ROBO1: variants seen among roughly 807,000 people sequenced by gnomAD.
The protein encoded by ROBO1 is roundabout guidance receptor 1.
Under a neutral mutation model 195.9 loss-of-function variants are expected in ROBO1, and 149 were observed. The observed-to-expected ratio is 0.76, with a 90% CI of 0.67 to 0.87. ROBO1 has a LOEUF of 0.87. Ranked by LOEUF, ROBO1 falls within the 40% of genes least tolerant of loss-of-function variation. The probability of loss-of-function intolerance (pLI) is 0.00; values close to 1 mark genes in which losing one functional copy is unlikely to be tolerated. For missense variants in ROBO1, 1,933 were observed against 2,068.3 expected (o/e 0.93, Z 1.27); for synonymous variants, 816 against 733.2 (o/e 1.11, Z -1.82).
chr3:79,701,469 G>A (rs1163994000), intron 1 of ROBO1, among the ~76,000 whole-genome samples: 2 of 151,444 alleles, frequency 1.3e-5, no homozygotes, highest in Non-Finnish European at 3.0e-5. Flanking sequence ...AGCTAAAACG[G>A]GCCTGAGTTC....
Position 78,991,181 on chromosome 3 carries a change from C to T in ROBO1, c.173-52254G>A, listed in dbSNP as rs57253384. Reference sequence around the variant, plus strand: ...CTGAAAACCCACTGAAATAAATGTGCAAAGGTACTAAAGGAAAGTCCTGAG... The same window carrying T: ...CTGAAAACCCACTGAAATAAATGTGTAAAGGTACTAAAGGAAAGTCCTGAG... On this transcript the variant is annotated intron_variant, in intron 3 of 30. Coordinates refer to ENST00000464233, the MANE Select transcript of ROBO1 (RefSeq NM_002941.4). Among the ~76,000 whole-genome samples, 1,084 of 152,174 alleles carry T rather than the reference C, an allele frequency of 7.1e-3. 12 individuals are homozygous for T. The highest frequency in any genetic ancestry group is 0.024 in the African/African-American group (1,016 of 41,514).
intron 3 of ROBO1, among the ~76,000 whole-genome samples, chr3:78,999,721 T>G (rs1224182133): frequency 6.6e-6 from 1 of 151,444 alleles, no homozygotes; most frequent in Non-Finnish European, 1.5e-5. Flanking sequence ...AAAGAGAAAA[T>G]CTTCATATTC....
intron 2 of ROBO1, among the ~76,000 whole-genome samples, chr3:79,262,218 G>A (rs1294488483): frequency 6.6e-6 from 1 of 152,026 alleles, no homozygotes; most frequent in Non-Finnish European, 1.5e-5. Context: ...TCCTCTGAGG[G>A]ATAGCTCTTA....
At chr3:78,735,033 T>C (rs577970866) in intron 5 of ROBO1, among the ~76,000 whole-genome samples, 2 of 152,194 alleles carry the variant, frequency 1.3e-5, no homozygotes, top group African/African-American at 2.4e-5. Flanking sequence ...ATCTTACACA[T>C]TGAGACTTAT....
At chr3:79,660,301 A>C (rs1946292275) in intron 1 of ROBO1, among the ~76,000 whole-genome samples, 2 of 151,940 alleles carry the variant, frequency 1.3e-5, no homozygotes, top group African/African-American at 4.8e-5. Context: ...CTCAAAGGCT[A>C]TACATTAGTG....
intron 23 of ROBO1, among the ~76,000 whole-genome samples, chr3:78,634,828 T>TA (rs1486491187): frequency 6.6e-6 from 1 of 152,178 alleles, no homozygotes; most frequent in East Asian, 1.9e-4. Context: ...ATTCTCGAGT[T>TA]AAAACATAAT....
chr3:79,097,301 C>A (rs2079588058), intron 3 of ROBO1, among the ~76,000 whole-genome samples: 1 of 151,822 alleles, frequency 6.6e-6, no homozygotes, highest in South Asian at 2.1e-4. Flanking sequence ...AAATTATAGG[C>A]ATTATCTGAG....
At chr3:78,825,658 A>C in intron 4 of ROBO1, among the ~76,000 whole-genome samples, 1 of 152,164 alleles carries the variant, frequency 6.6e-6, no homozygotes, top group Admixed American at 6.5e-5. Flanking sequence ...TTGGCATAAG[A>C]CGTTTAACAG....
In ROBO1 at chr3:78,714,463, A is replaced by G. The variant is rs200951485; in HGVS notation, c.979T>C (p.Ser327Pro). 2.7e-4 allele frequency: 432 copies of G among 1,613,156 alleles called. 1 individual carries two copies. Among genetic ancestry groups the G allele is most frequent in the Non-Finnish European group, 3.4e-4 (401 of 1,179,494 alleles). The part of the protein sequence containing the change: ...IRKVTAGDMG[S>P]YTCVAENMVG... ...ATATTTTCTGCAACACAAGTGTATG[A>G]ACCCATGTCACCAGCTGTCACCTTC... Residue 327 changes from serine to proline, a missense_variant, in exon 8 of 31, where the codon TCA becomes CCA. Around this residue, in one of 3 missense-constraint regions of ROBO1, gnomAD observed 1,737 missense variants for 1,882.5 expected, o/e 0.92. Transcript: ENST00000464233.
chr3:79,059,297 G>C (rs2078870487), intron 3 of ROBO1, among the ~76,000 whole-genome samples: 1 of 152,020 alleles, frequency 6.6e-6, no homozygotes, highest in African/African-American at 2.4e-5. Context: ...TTGGAGCTGA[G>C]GCATTAGATC....
intron 1 of ROBO1, among the ~76,000 whole-genome samples, chr3:79,670,417 T>A (rs986002567): frequency 6.8e-6 from 1 of 148,032 alleles, no homozygotes; most frequent in Non-Finnish European, 1.5e-5. Context: ...ACACAGCAAA[T>A]AATATCTCAA....
chr3:79,330,273 G>GTATA (rs34794861), intron 2 of ROBO1, among the ~76,000 whole-genome samples: 2,267 of 137,820 alleles, frequency 0.016, 58 homozygotes, highest in African/African-American at 0.052. Flanking sequence ...GTATATATAT[G>GTATA]TATATATATA....
rs1364153648 is a variant in ROBO1, at chr3:78,670,197, C to A, written c.1447G>T (p.Val483Leu). ...VLSCVATGSP[V>L]PTILWRKDGV... Reference sequence around the variant, plus strand: ...TCCTTTCTCCACAGAATGGTGGGCACTGGACTGCCTGTGGCCACACAGCTG... The same window carrying A: ...TCCTTTCTCCACAGAATGGTGGGCAATGGACTGCCTGTGGCCACACAGCTG... The change falls in exon 11 of 31, where the codon GTG becomes TTG. Residue 483 changes from valine (V) to leucine (L), a missense_variant. Val to Leu is a conservative substitution (Grantham distance 32). Around this residue, in one of 3 missense-constraint regions of ROBO1, gnomAD observed 1,737 missense variants for 1,882.5 expected, o/e 0.92. Coordinates refer to ENST00000464233, the MANE Select transcript of ROBO1 (RefSeq NM_002941.4). The A allele has an allele frequency of 6.2e-7, 1 of 1,611,248 alleles. No homozygotes were observed.
chr3:79,344,316 G>A (rs1177999322), intron 2 of ROBO1, among the ~76,000 whole-genome samples: 1 of 151,982 alleles, frequency 6.6e-6, no homozygotes, highest in Non-Finnish European at 1.5e-5. Flanking sequence ...TGGGGGTGGG[G>A]GAAAGCTGCT....
At chr3:78,675,345 G>C (rs937855285) in intron 10 of ROBO1, among the ~76,000 whole-genome samples, 1 of 152,082 alleles carries the variant, frequency 6.6e-6, no homozygotes, top group Non-Finnish European at 1.5e-5. Context: ...CACAGTTCGC[G>C]AGCCGAAGCA....
At chr3:78,980,210 A>G (rs1256369667) in intron 3 of ROBO1, among the ~76,000 whole-genome samples, 1 of 152,176 alleles carries the variant, frequency 6.6e-6, no homozygotes, top group Non-Finnish European at 1.5e-5. Flanking sequence ...AACTGTAATT[A>G]TAAGAAACTG....
intron 2 of ROBO1, among the ~76,000 whole-genome samples, chr3:79,468,126 A>G (rs567016567): frequency 5.9e-5 from 9 of 152,344 alleles, no homozygotes; most frequent in African/African-American, 2.2e-4. Context: ...CAAAACAAAT[A>G]TATAATGAAA....
chr3:79,083,775 C>G (rs1451687570), intron 3 of ROBO1, among the ~76,000 whole-genome samples: 2 of 152,140 alleles, frequency 1.3e-5, no homozygotes, highest in Non-Finnish European at 2.9e-5. Flanking sequence ...TTACCCTATT[C>G]TATGCTAAAA....
intron 3 of ROBO1, among the ~76,000 whole-genome samples, chr3:78,953,344 T>C (rs1288207520): frequency 1.3e-5 from 2 of 150,342 alleles, no homozygotes; most frequent in Non-Finnish European, 3.0e-5. Flanking sequence ...ACTGAAGAAT[T>C]TTACTTTCTG....
Sources: allele counts gnomAD v4.1 joint callset (sites outside exome capture counted in the v4.1 genomes callset), GRCh38; gene constraint gnomAD v4.1.1; regional missense constraint gnomAD v4.1.1; transcripts MANE v1.5; gene names NCBI Gene and HGNC (gene_info 2026-07-23, HGNC 2026-07-21).